Variants in FNIP1 observed in about 807,000 individuals in gnomAD.
FNIP1 encodes folliculin interacting protein 1.
FNIP1 carries 40 observed loss-of-function variants against 124.5 expected under a neutral mutation model. The observed-to-expected ratio is 0.32, with a 90% CI of 0.25 to 0.42. FNIP1 has a LOEUF of 0.42. FNIP1 is among the 10% of genes least tolerant of loss of function. The pLI, the probability that FNIP1 is intolerant of heterozygous loss-of-function variation, is 1.00. For synonymous variants in FNIP1, 472 were observed against 470.6 expected (o/e 1.00, Z -0.04); for missense variants, 1,176 against 1,403.7 (o/e 0.84, Z 2.59).
intron 9 of FNIP1, 78 bp downstream of exon 9, chr5:131,706,333 C>A: frequency 7.2e-7 from 1 of 1,390,942 alleles, no homozygotes; most frequent in Non-Finnish European, 9.6e-7. Flanking sequence ...GAATACAAGT[C>A]CAGGTTCTAA....
chr5:131,772,717 A>G (rs1035038140), intron 1 of FNIP1, among the ~76,000 whole-genome samples: 5 of 152,122 alleles, frequency 3.3e-5, no homozygotes, highest in African/African-American at 1.2e-4. Flanking sequence ...TATTCAGTCA[A>G]GCATAGAATC....
intron 2 of FNIP1, among the ~76,000 whole-genome samples, chr5:131,742,596 C>T (rs1291074356): frequency 1.3e-5 from 2 of 152,136 alleles, no homozygotes; most frequent in South Asian, 4.1e-4. Context: ...TGTTTTAAAA[C>T]TAAGAAAGAA....
Position 131,666,138 on chromosome 5 carries a change from C to T in FNIP1, c.3108+4325G>A, listed in dbSNP as rs148910672. Among the ~76,000 whole-genome samples, 489 of 150,366 alleles carry T rather than the reference C, an allele frequency of 3.3e-3. 3 individuals are homozygous for T. Among genetic ancestry groups the T allele is most frequent in the African/African-American group, 0.011 (463 of 40,884 alleles). ...TCCTGACCTCATGATCTGCCTACCT[C>T]GGCCTCCCAAAGTGCTGAGATTACA... is the stretch of plus-strand genomic sequence containing the variant. On this transcript the variant is annotated intron_variant, in intron 15 of 17. Transcript: ENST00000510461.
chr5:131,677,614 T>C, intron 13 of FNIP1, 89 bp downstream of exon 13: 1 of 1,258,660 alleles, frequency 7.9e-7, no homozygotes, highest in Non-Finnish European at 1.1e-6. Flanking sequence ...GGTAAAAGCA[T>C]TTTATTTATT....
chr5:131,659,899 T>C (rs908296230), intron 15 of FNIP1, among the ~76,000 whole-genome samples: 19 of 152,206 alleles, frequency 1.2e-4, no homozygotes, highest in Admixed American at 6.5e-5. Flanking sequence ...GATGATGCCA[T>C]GCTCCATGGG....
At chr5:131,671,185 A>G (rs182494128) in intron 14 of FNIP1, among the ~76,000 whole-genome samples, 3 of 152,322 alleles carry the variant, frequency 2.0e-5, no homozygotes, top group African/African-American at 7.2e-5. Flanking sequence ...CTCAGGGATT[A>G]GTGCTCCCTA....
In FNIP1 at chr5:131,644,469, C is replaced by T; in HGVS notation, c.*216G>A. On this transcript the variant is annotated 3_prime_UTR_variant, in exon 18 of 18. Transcript: ENST00000510461. ...TTCAAAATTATTGTTGCTTTAATTTCATTTGTTTAAAAATCTACCACCACC... is the reference window on the plus strand; with the variant it reads ...TTCAAAATTATTGTTGCTTTAATTTTATTTGTTTAAAAATCTACCACCACC... 2.6e-6 allele frequency: 1 copy of T among 382,392 alleles called. No individual in the cohort carries two copies. The highest frequency in any genetic ancestry group is 4.7e-5 in the East Asian group (1 of 21,402). 23.7% of individuals were successfully genotyped at this position (382,392 alleles called of 1,614,324 possible). A position where few individuals can be genotyped will look rare whatever the true frequency, so the allele number is the denominator to read the frequency against.
intron 3 of FNIP1, among the ~76,000 whole-genome samples, chr5:131,729,874 T>C (rs1770018913): frequency 6.6e-6 from 1 of 151,990 alleles, no homozygotes; most frequent in African/African-American, 2.4e-5. Flanking sequence ...GCCTCCTGAG[T>C]AGCTGGGATT....
At chr5:131,715,382 A>C (rs959455470) in intron 6 of FNIP1, among the ~76,000 whole-genome samples, 2 of 152,148 alleles carry the variant, frequency 1.3e-5, no homozygotes, top group African/African-American at 4.8e-5. Flanking sequence ...GCTACTTGGA[A>C]GGGTGAGGCA....
chr5:131,748,049 A>C (rs956048621), intron 1 of FNIP1, among the ~76,000 whole-genome samples: 5 of 152,014 alleles, frequency 3.3e-5, no homozygotes, highest in Admixed American at 6.6e-5. Context: ...ATCCATATCT[A>C]AGAGATCCAT....
chr5:131,723,625 G>A (rs373278439), intron 3 of FNIP1, among the ~76,000 whole-genome samples: 1 of 152,128 alleles, frequency 6.6e-6, no homozygotes, highest in Admixed American at 6.5e-5. Context: ...TCTATTCTAA[G>A]TACTCATTCC....
chr5:131,649,323 T>A (rs1426282057), intron 16 of FNIP1, among the ~76,000 whole-genome samples: 2 of 152,290 alleles, frequency 1.3e-5, no homozygotes, highest in Non-Finnish European at 2.9e-5. Flanking sequence ...TACTTACTAT[T>A]TTTTGTGGAT....
intron 15 of FNIP1, among the ~76,000 whole-genome samples, chr5:131,657,061 G>A (rs1042625044): frequency 6.9e-6 from 1 of 144,636 alleles, no homozygotes; most frequent in South Asian, 2.2e-4. Flanking sequence ...AGTCTCGCTG[G>A]GTTGCCCAGA....
intron 7 of FNIP1, among the ~76,000 whole-genome samples, chr5:131,709,969 G>A (rs1380461185): frequency 2.0e-5 from 3 of 152,104 alleles, no homozygotes; most frequent in Non-Finnish European, 2.9e-5. Context: ...TAGGTAATCC[G>A]CTAAAATGTG....
At chr5:131,697,985 A>AAAAAG (rs1561660871) in intron 11 of FNIP1, among the ~76,000 whole-genome samples, 1 of 149,860 alleles carries the variant, frequency 6.7e-6, no homozygotes, top group Non-Finnish European at 1.5e-5. Flanking sequence ...AAAAAAAAAA[A>AAAAAG]AAAAGAAAGA....
intron 12 of FNIP1, among the ~76,000 whole-genome samples, chr5:131,678,255 A>C (rs1254971351): frequency 1.3e-5 from 2 of 152,214 alleles, no homozygotes; most frequent in African/African-American, 4.8e-5. Context: ...AACGAGGCAA[A>C]GTATTAAGCA....
rs574548017 is a variant in FNIP1 at position 131,795,964 on chromosome 5, G to A, written c.92+866C>T. On this transcript the variant is annotated intron_variant, in intron 1 of 17. Transcript: ENST00000510461. ...AGGCTGTTTGGACATAATCTCCTCA[G>A]GTGCAGTTTAACGACTAAATTTTAC... The A allele has an allele frequency of 1.3e-4, 20 of 152,270 alleles. 1 individual carries two copies. Among genetic ancestry groups the A allele is most frequent in the Admixed American group, 1.3e-3 (20 of 15,302 alleles). The allele number at this position is 152,270 out of a possible 1,614,324, so 9.4% of individuals were successfully genotyped here. A position where few individuals can be genotyped will look rare whatever the true frequency, so the allele number is the denominator to read the frequency against.
At position 131,706,542 on chromosome 5, in the gene FNIP1, A is replaced by G. The variant is rs201728389; in HGVS notation, c.783T>C (p.Ser261=). ...ATGGAGTGATCAGCAAGCTGCTGAGAGATGCTGTTAAGTCAGAAGAACAAC... is the reference window on the plus strand; with the variant it reads ...ATGGAGTGATCAGCAAGCTGCTGAGGGATGCTGTTAAGTCAGAAGAACAAC... The part of the protein sequence containing the change: ...DRDSGIARSA[S]LSSLLITPFP... Residue 261 remains serine, a synonymous_variant, in exon 9 of 18, where the codon TCT becomes TCC. Coordinates refer to ENST00000510461, the MANE Select transcript of FNIP1 (RefSeq NM_133372.3). 1 of 1,587,260 alleles carries G rather than the reference A, an allele frequency of 6.3e-7. No individual in the cohort carries two copies. Among genetic ancestry groups the G allele is most frequent in the Non-Finnish European group, 8.6e-7 (1 of 1,166,506 alleles).
intron 13 of FNIP1, 122 bp downstream of exon 13, chr5:131,677,581 C>A: frequency 1.1e-6 from 1 of 897,378 alleles, no homozygotes; most frequent in Non-Finnish European, 1.7e-6. Flanking sequence ...ACAAGCAAAG[C>A]AGAGATGCTT....
Sources: allele counts gnomAD v4.1 joint callset (sites outside exome capture counted in the v4.1 genomes callset), GRCh38; gene constraint gnomAD v4.1.1; transcripts MANE v1.5; gene names NCBI Gene and HGNC (gene_info 2026-07-23, HGNC 2026-07-21).